Variants in PLCB1 observed in about 807,000 individuals in gnomAD.
PLCB1 encodes 1-phosphatidylinositol 4,5-bisphosphate phosphodiesterase beta-1.
Under a neutral mutation model 161.8 loss-of-function variants are expected in PLCB1, and 46 were observed. That is an observed-to-expected ratio of 0.28 (90% CI 0.22 to 0.36). The LOEUF (loss-of-function observed/expected upper bound fraction) is 0.36, where lower values mean the gene tolerates loss of function less well. PLCB1 is among the 10% of genes least tolerant of loss of function. The probability of loss-of-function intolerance (pLI) is 1.00; values close to 1 mark genes in which losing one functional copy is unlikely to be tolerated. For missense variants in PLCB1, 1,016 were observed against 1,472.5 expected, an observed-to-expected ratio of 0.69 and a Z score of 5.07; for synonymous variants, 517 against 503.7, an observed-to-expected ratio of 1.03 and a Z score of -0.35.
chr20:8,690,133 GT>G (rs1568561761), intron 10 of PLCB1, among the ~76,000 whole-genome samples: 1 of 112,626 alleles, frequency 8.9e-6, no homozygotes, highest in African/African-American at 2.9e-5. Context: ...CATCTAAGGG[GT>G]TTTGTTTTTG....
At chr20:8,143,063 G>A (rs1382287300) in intron 1 of PLCB1, among the ~76,000 whole-genome samples, 1 of 152,088 alleles carries the variant, frequency 6.6e-6, no homozygotes, top group Non-Finnish European at 1.5e-5. Context: ...TTTCCCCTCA[G>A]TTGAAGCTTT....
At chr20:8,513,756 T>A (rs982343128) in intron 3 of PLCB1, among the ~76,000 whole-genome samples, 1 of 152,134 alleles carries the variant, frequency 6.6e-6, no homozygotes, top group Non-Finnish European at 1.5e-5. Flanking sequence ...ATGCTTGTAA[T>A]CCCAGCACTT....
intron 3 of PLCB1, among the ~76,000 whole-genome samples, chr20:8,450,963 T>C (rs1568681637): frequency 6.6e-6 from 1 of 152,306 alleles, no homozygotes; most frequent in Non-Finnish European, 1.5e-5. Flanking sequence ...ATTTGGCAAA[T>C]TTGTATGCAG....
chr20:8,149,176 T>C (rs1489527733), intron 1 of PLCB1, among the ~76,000 whole-genome samples: 4 of 152,210 alleles, frequency 2.6e-5, no homozygotes, highest in African/African-American at 9.6e-5. Context: ...TAATGAACAT[T>C]TTTATGTGGC....
intron 2 of PLCB1, among the ~76,000 whole-genome samples, chr20:8,305,298 A>G (rs2123326959): frequency 6.6e-6 from 1 of 152,338 alleles, no homozygotes; most frequent in African/African-American, 2.4e-5. Context: ...TTGCTGCTTT[A>G]TGAAGAAGAC....
intron 4 of PLCB1, among the ~76,000 whole-genome samples, chr20:8,638,440 C>G (rs1988836326): frequency 6.6e-6 from 1 of 151,924 alleles, no homozygotes; most frequent in African/African-American, 2.4e-5. Context: ...AAAGCCTCCT[C>G]AATCAGAGCA....
intron 3 of PLCB1, among the ~76,000 whole-genome samples, chr20:8,439,165 C>G (rs1288961718): frequency 6.6e-6 from 1 of 152,276 alleles, no homozygotes; most frequent in African/African-American, 2.4e-5. Context: ...AATGATTTAA[C>G]AGTCGATGGA....
At chr20:8,492,362 TCC>T (rs1982983020) in intron 3 of PLCB1, among the ~76,000 whole-genome samples, 1 of 152,204 alleles carries the variant, frequency 6.6e-6, no homozygotes, top group Non-Finnish European at 1.5e-5. Flanking sequence ...AACTGCATCT[TCC>T]AAATTGAATT....
intron 2 of PLCB1, among the ~76,000 whole-genome samples, chr20:8,244,873 C>A (rs1980801230): frequency 6.6e-6 from 1 of 151,490 alleles, no homozygotes; most frequent in African/African-American, 2.4e-5. Flanking sequence ...ATGGAAGTAT[C>A]CAGGCAAATA....
intron 3 of PLCB1, among the ~76,000 whole-genome samples, chr20:8,389,390 G>C (rs1987524198): frequency 6.6e-6 from 1 of 152,172 alleles, no homozygotes; most frequent in Admixed American, 6.5e-5. Flanking sequence ...TTGTAGAGAA[G>C]GTAAGGGAAA....
In PLCB1 at chr20:8,516,405, A is replaced by G. The variant is rs547211236; in HGVS notation, c.247-111889A>G. ...CCACAATGAGGCCAAAGCAAGTCAC[A>G]TGGCCAAGATCAACATAAATGGAGC... is the stretch of plus-strand genomic sequence containing the variant. On this transcript the variant is annotated intron_variant, in intron 3 of 31. Transcript: ENST00000338037. Among the ~76,000 whole-genome samples, 3 of 152,236 alleles carry G rather than the reference A, an allele frequency of 2.0e-5. No homozygotes were observed. In the South Asian group the frequency reaches 6.2e-4, roughly 32 times the overall value.
In PLCB1 at chr20:8,662,680, G is replaced by T. The variant is rs186601509; in HGVS notation, c.862+3976G>T. 1.6e-3 allele frequency among the ~76,000 whole-genome samples: 240 copies of T among 150,702 alleles called. 1 individual carries two copies. Among genetic ancestry groups the T allele is most frequent in the African/African-American group, 5.6e-3 (232 of 41,164 alleles). ...GTGCACCTGAATCACCTGAGCCGTT[G>T]TTAAAATGCAGATTCGAGATCCTGC... On this transcript the variant is annotated intron_variant, in intron 9 of 31. Coordinates refer to ENST00000338037, the MANE Select transcript of PLCB1 (RefSeq NM_015192.4).
intron 2 of PLCB1, among the ~76,000 whole-genome samples, chr20:8,209,869 A>G (rs1978729769): frequency 6.6e-6 from 1 of 151,882 alleles, no homozygotes; most frequent in Non-Finnish European, 1.5e-5. Context: ...AATTTTACTC[A>G]CTCTGTTACC....
At chr20:8,549,490 G>A (rs1464637217) in intron 3 of PLCB1, among the ~76,000 whole-genome samples, 1 of 152,100 alleles carries the variant, frequency 6.6e-6, no homozygotes, top group Non-Finnish European at 1.5e-5. Context: ...GAATTGTAAT[G>A]ATCCCCATGT....
intron 25 of PLCB1, among the ~76,000 whole-genome samples, chr20:8,761,022 G>A (rs1270517125): frequency 6.6e-6 from 1 of 152,174 alleles, no homozygotes; most frequent in Non-Finnish European, 1.5e-5. Flanking sequence ...TTCACCAAAA[G>A]CAGCACCACT....
intron 9 of PLCB1, among the ~76,000 whole-genome samples, chr20:8,669,408 C>T (rs1989891524): frequency 6.6e-6 from 1 of 152,138 alleles, no homozygotes; most frequent in Non-Finnish European, 1.5e-5. Context: ...ATGAGGAAAG[C>T]GAGTCTTTGG....
chr20:8,670,788 T>G (rs1211883385), intron 9 of PLCB1, among the ~76,000 whole-genome samples: 1 of 152,188 alleles, frequency 6.6e-6, no homozygotes, highest in African/African-American at 2.4e-5. Flanking sequence ...TTTAGATTAT[T>G]TCTTAAAATA....
intron 3 of PLCB1, among the ~76,000 whole-genome samples, chr20:8,440,455 T>C (rs979649054): frequency 1.3e-5 from 2 of 152,168 alleles, no homozygotes; most frequent in African/African-American, 4.8e-5. Flanking sequence ...TCCCCAGTGA[T>C]TCCCTGTGGC....
At chr20:8,611,545 A>G (rs1987904030) in intron 3 of PLCB1, among the ~76,000 whole-genome samples, 1 of 152,192 alleles carries the variant, frequency 6.6e-6, no homozygotes, top group Non-Finnish European at 1.5e-5. Context: ...TTTCAGTTCT[A>G]AAAACATGGC....
Sources: gnomAD v4.1 joint callset for allele counts (sites outside exome capture counted in the v4.1 genomes callset) on GRCh38, gnomAD v4.1.1 for gene constraint, MANE v1.5 for transcripts, NCBI Gene and HGNC (gene_info 2026-07-23, HGNC 2026-07-21) for gene names.